The following AKAP6 variants were observed in gnomAD, a reference collection of about 807,000 sequenced individuals.
AKAP6 encodes the protein A-kinase anchor protein 6.
Under a neutral mutation model 188.5 loss-of-function variants are expected in AKAP6, and 58 were observed. The observed-to-expected ratio is 0.31, with a 90% CI of 0.25 to 0.38. The LOEUF (loss-of-function observed/expected upper bound fraction) is 0.38. AKAP6 is among the 10% of genes least tolerant of loss of function. AKAP6 has a pLI of 1.00. For synonymous variants in AKAP6, 989 were observed against 998.6 expected (o/e 0.99, Z 0.18); for missense variants, 2,710 against 2,740.0 (o/e 0.99, Z 0.24).
At chr14:32,571,158 C>G (rs1884466184) in intron 4 of AKAP6, among the ~76,000 whole-genome samples, 2 of 152,054 alleles carry the variant, frequency 1.3e-5, no homozygotes, top group South Asian at 4.2e-4. Flanking sequence ...TTTGTTTCAG[C>G]TAGAATTGTC....
rs148217088 is a variant in AKAP6 at position 32,453,253 on chromosome 14, C to T, written c.324+19436C>T. Reference sequence around the variant, plus strand: ...TCTACAGATGAGAAAGCAGAGGCCCCGAGAAGTTGAATTCTCATGTTCAAA... The same window carrying T: ...TCTACAGATGAGAAAGCAGAGGCCCTGAGAAGTTGAATTCTCATGTTCAAA... On this transcript the variant is annotated intron_variant, in intron 2 of 13. Transcript: ENST00000280979. Among the ~76,000 whole-genome samples, 1,498 of 152,260 alleles carry T rather than the reference C, an allele frequency of 9.8e-3. 27 individuals carry two copies. Among genetic ancestry groups the T allele is most frequent in the African/African-American group, 0.033 (1,381 of 41,566 alleles).
chr14:32,356,884 C>T (rs1306698693), intron 1 of AKAP6, among the ~76,000 whole-genome samples: 3 of 152,050 alleles, frequency 2.0e-5, no homozygotes, highest in African/African-American at 7.2e-5. Flanking sequence ...AGTGCTGTCT[C>T]CTGGGGAAAC....
At chr14:32,474,454 C>A in intron 2 of AKAP6, 1 of 152,304 alleles carries the variant, frequency 6.6e-6, no homozygotes. Context: ...GAATGGTAGT[C>A]TCACATGGTT....
At chr14:32,539,417 G>T (rs572296599) in intron 3 of AKAP6, among the ~76,000 whole-genome samples, 1 of 152,006 alleles carries the variant, frequency 6.6e-6, no homozygotes, top group Non-Finnish European at 1.5e-5. Context: ...AATTGTATCA[G>T]GCCAAAGTAT....
At chr14:32,613,062 TA>T (rs1886419459) in intron 7 of AKAP6, among the ~76,000 whole-genome samples, 1 of 152,242 alleles carries the variant, frequency 6.6e-6, no homozygotes, top group African/African-American at 2.4e-5. Context: ...GAGGTTTAGC[TA>T]ACATAATGTA....
rs921797919 is a variant in AKAP6 at position 32,741,833 on chromosome 14, T to TG, written c.3372+5951_3372+5952insG. ...TTAGCCTGTAGGTTTTTTTTTTTTT[T>TG]TTTTTTTTTTTAGTGCGTCTCTGTC... On this transcript the variant is annotated intron_variant, in intron 11 of 13. Transcript: ENST00000280979. 2.7e-5 allele frequency among the ~76,000 whole-genome samples: 4 copies of TG among 147,830 alleles called. No individual in the cohort carries two copies. In the South Asian group the frequency reaches 6.5e-4, roughly 24 times the overall value.
chr14:32,331,580 T>G (rs1886537217), intron 1 of AKAP6, among the ~76,000 whole-genome samples: 1 of 152,100 alleles, frequency 6.6e-6, no homozygotes, highest in Non-Finnish European at 1.5e-5. Context: ...TGTTTCTTCG[T>G]TTCTTTGTAG....
intron 1 of AKAP6, among the ~76,000 whole-genome samples, chr14:32,348,139 A>C (rs1887128624): frequency 6.6e-6 from 1 of 152,210 alleles, no homozygotes; most frequent in Non-Finnish European, 1.5e-5. Flanking sequence ...TGCCAGGAGC[A>C]AAAGTGAGAA....
At chr14:32,540,040 A>T (rs142950881) in intron 3 of AKAP6, among the ~76,000 whole-genome samples, 1 of 150,538 alleles carries the variant, frequency 6.6e-6, no homozygotes, top group Admixed American at 6.6e-5. Context: ...GGCATTTGGA[A>T]CTAGGCTTCA....
At chr14:32,509,235 G>A (rs1458414170) in intron 2 of AKAP6, among the ~76,000 whole-genome samples, 2 of 146,446 alleles carry the variant, frequency 1.4e-5, no homozygotes, top group East Asian at 2.1e-4. Context: ...AGCGATTCTC[G>A]TACCTCAGCC....
chr14:32,642,629 G>A lies in AKAP6; in HGVS notation c.2731-35682G>A, dbSNP rs80020250. 3.4e-3 allele frequency among the ~76,000 whole-genome samples: 518 copies of A among 152,224 alleles called. 3 individuals carry two copies. Among genetic ancestry groups the A allele is most frequent in the African/African-American group, 0.011 (465 of 41,548 alleles). Reference sequence around the variant, plus strand: ...GCATAGTCTGTTTCGTTCATTCACCGCAGAAAGGAGCATTTAAAAAATACT... The same window carrying A: ...GCATAGTCTGTTTCGTTCATTCACCACAGAAAGGAGCATTTAAAAAATACT... On this transcript the variant is annotated intron_variant, in intron 7 of 13. Transcript: ENST00000280979.
chr14:32,734,977 A>C lies in AKAP6; in HGVS notation c.3148-681A>C, dbSNP rs1406856152. On this transcript the variant is annotated intron_variant, in intron 10 of 13. Transcript: ENST00000280979. ...TCCTGCCATAGTGGTTAATTTAAGT[A>C]GGCTTCTAGTGTAGTGAATTGGGGA... Among the ~76,000 whole-genome samples the C allele has an allele frequency of 3.9e-5, 6 of 152,284 alleles. No homozygotes were observed. In the South Asian group the frequency reaches 1.2e-3, roughly 32 times the overall value.
At chr14:32,433,877 A>G in intron 2 of AKAP6, 60 bp downstream of exon 2, 2 of 1,496,072 alleles carry the variant, frequency 1.3e-6, no homozygotes, top group Admixed American at 3.6e-5. Context: ...TGGCACCTAG[A>G]GACTGTGTTC....
At chr14:32,611,239 T>A (rs1386146208) in intron 7 of AKAP6, among the ~76,000 whole-genome samples, 1 of 152,190 alleles carries the variant, frequency 6.6e-6, no homozygotes, top group Non-Finnish European at 1.5e-5. Flanking sequence ...GGACACATTA[T>A]GATAAGGAAT....
At chr14:32,746,712 G>A (rs1386452735) in intron 11 of AKAP6, among the ~76,000 whole-genome samples, 1 of 152,168 alleles carries the variant, frequency 6.6e-6, no homozygotes, top group Admixed American at 6.5e-5. Flanking sequence ...AGGTCATAAA[G>A]TTAGTAAGTG....
At chr14:32,428,166 G>A (rs1312745254) in intron 1 of AKAP6, among the ~76,000 whole-genome samples, 1 of 152,110 alleles carries the variant, frequency 6.6e-6, no homozygotes, top group Non-Finnish European at 1.5e-5. Context: ...GATTGCTGGG[G>A]TTTTTGAGAG....
At chr14:32,572,016 G>A (rs900200482) in intron 4 of AKAP6, among the ~76,000 whole-genome samples, 1 of 152,210 alleles carries the variant, frequency 6.6e-6, no homozygotes, top group African/African-American at 2.4e-5. Flanking sequence ...AATAGTGAAT[G>A]AGAAGGGTAG....
chr14:32,394,640 A>G (rs1888816177), intron 1 of AKAP6, among the ~76,000 whole-genome samples: 1 of 152,206 alleles, frequency 6.6e-6, no homozygotes, highest in Non-Finnish European at 1.5e-5. Flanking sequence ...ACACATGTAT[A>G]GACACTCATA....
In AKAP6 at chr14:32,703,334, T is replaced by G. The variant is rs376267155; in HGVS notation, c.3000+7224T>G. ...CTGAAGGCTGGAGCACGTAAAACGC[T>G]TACTTAGATGATATGAATAGGACAC... On this transcript the variant is annotated intron_variant, in intron 9 of 13. Coordinates refer to ENST00000280979, the MANE Select transcript of AKAP6 (RefSeq NM_004274.5). Among the ~76,000 whole-genome samples, 28 of 152,230 alleles carry G rather than the reference T, an allele frequency of 1.8e-4. No individual in the cohort carries two copies. The East Asian group carries it at 5.0e-3, about 27-fold the overall frequency.
Sources: gnomAD v4.1 joint callset for allele counts (sites outside exome capture counted in the v4.1 genomes callset) on GRCh38, gnomAD v4.1.1 for gene constraint, MANE v1.5 for transcripts, NCBI Gene and HGNC (gene_info 2026-07-23, HGNC 2026-07-21) for gene names.